UNC80: variants seen among roughly 807,000 people sequenced by gnomAD.
UNC80 encodes the protein protein unc-80 homolog.
In UNC80, 164 loss-of-function variants were observed where a neutral mutation model predicts 384.6. The observed-to-expected ratio is 0.43, with a 90% CI of 0.38 to 0.49. The LOEUF (loss-of-function observed/expected upper bound fraction) is 0.49, where lower values mean the gene tolerates loss of function less well. UNC80 is among the 20% of genes least tolerant of loss of function. UNC80 has a pLI of 0.00. For missense variants in UNC80, 3,330 were observed against 4,143.0 expected, an observed-to-expected ratio of 0.80 and a Z score of 5.39; for synonymous variants, 1,486 against 1,527.8, an observed-to-expected ratio of 0.97 and a Z score of 0.64.
Position 209,822,786 on chromosome 2 carries a change from G to A in UNC80, c.2331+2107G>A, listed in dbSNP as rs575819324. ...AAGTATCTTGACTATTTAGCACCTA[G>A]GTATTATCTAGACTATATAGCTTGA... On this transcript the variant is annotated intron_variant, in intron 13 of 64. Coordinates refer to ENST00000673920, the MANE Select transcript of UNC80 (RefSeq NM_001371986.1). Among the ~76,000 whole-genome samples the A allele has an allele frequency of 1.3e-4, 20 of 152,054 alleles. No individual in the cohort carries two copies. The South Asian group carries it at 2.7e-3, about 21-fold the overall frequency.
intron 16 of UNC80, among the ~76,000 whole-genome samples, chr2:209,833,479 T>G (rs1040213747): frequency 2.6e-5 from 4 of 152,206 alleles, no homozygotes; most frequent in Non-Finnish European, 5.9e-5. Flanking sequence ...ACAACATATA[T>G]GTACTTTGCT....
intron 31 of UNC80, among the ~76,000 whole-genome samples, chr2:209,914,679 G>GTA (rs1197782490): frequency 3.3e-5 from 5 of 149,780 alleles, no homozygotes; most frequent in African/African-American, 1.3e-4. Context: ...GTGTGTGTGT[G>GTA]TGTATATAAA....
intron 21 of UNC80, among the ~76,000 whole-genome samples, chr2:209,844,472 T>TTTCCTTCC (rs1447125251): frequency 3.9e-5 from 3 of 77,086 alleles, no homozygotes; most frequent in African/African-American, 1.3e-4. Context: ...TCTTTCTTTC[T>TTTCCTTCC]TTCTTTCCTT....
intron 7 of UNC80, among the ~76,000 whole-genome samples, chr2:209,800,504 A>C (rs1055442170): frequency 1.7e-4 from 24 of 138,500 alleles, no homozygotes; most frequent in Non-Finnish European, 3.0e-4. Context: ...AAAAAAAAAA[A>C]CAGCTCCTGG....
intron 43 of UNC80, 113 bp from the exon 44 acceptor site, chr2:209,941,108 C>T (rs2091599895): frequency 4.5e-6 from 6 of 1,325,876 alleles, no homozygotes; most frequent in South Asian, 1.8e-5. Context: ...TAGATCTTCA[C>T]ATCCTGGAGC....
At chr2:209,993,042 T>C (rs1200604728) in intron 62 of UNC80, among the ~76,000 whole-genome samples, 1 of 152,242 alleles carries the variant, frequency 6.6e-6, no homozygotes, top group Non-Finnish European at 1.5e-5. Flanking sequence ...GTTATTCACT[T>C]TGCATCCTAA....
At chr2:209,967,804 C>T in intron 52 of UNC80, 167 bp downstream of exon 52, 1 of 592,164 alleles carries the variant, frequency 1.7e-6, no homozygotes, top group Non-Finnish European at 2.9e-6. Flanking sequence ...GCAAAGCCTA[C>T]ATTTTGAGAA....
At chr2:209,806,697 G>A (rs2078923320) in intron 7 of UNC80, among the ~76,000 whole-genome samples, 1 of 152,336 alleles carries the variant, frequency 6.6e-6, no homozygotes, top group South Asian at 2.1e-4. Flanking sequence ...CTGTCTGCAT[G>A]TATCAAATAC....
chr2:209,799,492 A>G (rs754817036), intron 7 of UNC80, among the ~76,000 whole-genome samples: 4 of 152,298 alleles, frequency 2.6e-5, no homozygotes, highest in Admixed American at 2.6e-4. Flanking sequence ...GGGGTTTTCT[A>G]TATAAAAATT....
At position 209,840,581 on chromosome 2, in the gene UNC80, A is replaced by G; in HGVS notation, c.3290A>G (p.Asp1097Gly). The change falls in exon 20 of 65, where the codon GAT becomes GGT. Residue 1097 changes from aspartate to glycine, a missense_variant. Coordinates refer to ENST00000673920, the MANE Select transcript of UNC80 (RefSeq NM_001371986.1). ...LKRSSLSGLA[D>G]GVEDLLDISS... ...AGATCATCCCTCTCAGGCCTGGCAG[A>G]TGGTGTGGAGGACCTCCTGGACATT... 1.9e-6 allele frequency: 3 copies of G among 1,551,916 alleles called. No homozygotes were observed. The highest frequency in any genetic ancestry group is 2.6e-6 in the Non-Finnish European group (3 of 1,147,014).
intron 29 of UNC80, among the ~76,000 whole-genome samples, chr2:209,908,464 C>T (rs999207124): frequency 6.6e-6 from 1 of 152,046 alleles, no homozygotes; most frequent in African/African-American, 2.4e-5. Flanking sequence ...TCACCTTTAC[C>T]AAAGAATTCT....
intron 32 of UNC80, 51 bp downstream of exon 32, chr2:209,918,009 T>C: frequency 1.3e-6 from 2 of 1,531,880 alleles, no homozygotes; most frequent in African/African-American, 1.4e-5. Flanking sequence ...CAACCCAAGG[T>C]TTGTTTAAAC....
At chr2:209,905,039 A>G (rs751642641) in intron 29 of UNC80, 74 bp downstream of exon 29, 3 of 1,467,624 alleles carry the variant, frequency 2.0e-6, no homozygotes, top group Non-Finnish European at 2.8e-6. Context: ...TCTGGAAATA[A>G]GAATTTTCAA....
chr2:209,923,864 A>G (rs185062153), intron 35 of UNC80, among the ~76,000 whole-genome samples: 200 of 152,136 alleles, frequency 1.3e-3, no homozygotes, highest in Non-Finnish European at 1.7e-3. Flanking sequence ...GTTTTTATCC[A>G]TTCTGCTAAT....
intron 12 of UNC80, among the ~76,000 whole-genome samples, chr2:209,819,856 A>G (rs1263158845): frequency 6.6e-6 from 1 of 152,254 alleles, no homozygotes; most frequent in East Asian, 1.9e-4. Context: ...TGTACTTTAA[A>G]TGAAATATGA....
chr2:209,871,417 T>G (rs1283706243), intron 22 of UNC80, among the ~76,000 whole-genome samples: 1 of 152,194 alleles, frequency 6.6e-6, no homozygotes, highest in Non-Finnish European at 1.5e-5. Flanking sequence ...CACAGGGATG[T>G]TATATATTAT....
chr2:209,922,403 T>A lies in UNC80; in HGVS notation c.5662+20T>A, dbSNP rs2090108008. ...CTGAAGGTGTGTCCTCTTGCATACG[T>A]TTTATTTCTCCTGACTTATGTGTTT... is the stretch of plus-strand genomic sequence containing the variant. On this transcript the variant is annotated intron_variant, in intron 35 of 64. Transcript: ENST00000673920. 1.9e-6 allele frequency: 3 copies of A among 1,549,662 alleles called. No individual in the cohort carries two copies. The highest frequency in any genetic ancestry group is 2.6e-6 in the Non-Finnish European group (3 of 1,145,588).
chr2:209,945,331 A>G (rs989287507), intron 46 of UNC80, 142 bp downstream of exon 46: 6 of 864,370 alleles, frequency 6.9e-6, no homozygotes, highest in Non-Finnish European at 8.2e-6. Flanking sequence ...ATGGAACAGT[A>G]GTAGAAATTG....
At chr2:209,951,710 G>A (rs1290456789) in intron 47 of UNC80, 1 of 152,050 alleles carries the variant, frequency 6.6e-6, no homozygotes, top group Admixed American at 6.5e-5. Flanking sequence ...TACTTCTTGG[G>A]ATTCATAGTG....
Sources: allele counts gnomAD v4.1 joint callset (sites outside exome capture counted in the v4.1 genomes callset), GRCh38; gene constraint gnomAD v4.1.1; transcripts MANE v1.5; gene names NCBI Gene and HGNC (gene_info 2026-07-23, HGNC 2026-07-21).